The following CAST variants were observed in gnomAD, a reference collection of about 807,000 sequenced individuals.
CAST encodes calpastatin.
A neutral mutation model predicts 119.6 loss-of-function variants in CAST; 76 were observed. That is an observed-to-expected ratio of 0.64 (90% CI 0.53 to 0.77). The LOEUF (loss-of-function observed/expected upper bound fraction) is 0.77. Ranked by LOEUF, CAST falls within the 30% of genes least tolerant of loss-of-function variation. The pLI, the probability that CAST is intolerant of heterozygous loss-of-function variation, is 0.00. For missense variants in CAST, 953 were observed against 946.5 expected (o/e 1.01, Z -0.09); for synonymous variants, 319 against 331.6 (o/e 0.96, Z 0.41).
the CAST span, among the ~76,000 whole-genome samples, chr5:96,109,340 T>C: frequency 6.6e-6 from 1 of 152,212 alleles, no homozygotes; most frequent in African/African-American, 2.4e-5. Flanking sequence ...GAAATAATTA[T>C]AATAAAGAAT....
chr5:96,757,742 G>T, intron 24 of CAST, 88 bp downstream of exon 24: 1 of 835,998 alleles, frequency 1.2e-6, no homozygotes, highest in Non-Finnish European at 1.9e-6. Context: ...CCAGGCGGGA[G>T]TACAGTGGTG....
At chr5:96,554,393 C>G (rs1746193046) in intron 1 of CAST, among the ~76,000 whole-genome samples, 1 of 152,102 alleles carries the variant, frequency 6.6e-6, no homozygotes, top group Non-Finnish European at 1.5e-5. Context: ...ACACCTGACA[C>G]AAAAATCAAC....
At chr5:96,411,059 C>G in the CAST span, 1 of 1,039,338 alleles carries the variant, frequency 9.6e-7, no homozygotes, top group Non-Finnish European at 1.5e-6. Flanking sequence ...AATAAAATCC[C>G]CAACGACTAC....
chr5:96,333,233 C>T, the CAST span, among the ~76,000 whole-genome samples: 3 of 151,544 alleles, frequency 2.0e-5, no homozygotes, highest in Non-Finnish European at 4.4e-5. Context: ...AGTGTGTGCC[C>T]GAGTTAGAGT....
At chr5:96,097,585 G>A in the CAST span, among the ~76,000 whole-genome samples, 3 of 152,060 alleles carry the variant, frequency 2.0e-5, no homozygotes, top group African/African-American at 4.8e-5. Flanking sequence ...TGTGGTATTT[G>A]GTTTTCTGTT....
At chr5:96,044,822 G>C in the CAST span, among the ~76,000 whole-genome samples, 1 of 152,132 alleles carries the variant, frequency 6.6e-6, no homozygotes, top group Non-Finnish European at 1.5e-5. Context: ...GAGAATGAAT[G>C]AATGACTGTT....
the CAST span, among the ~76,000 whole-genome samples, chr5:96,229,970 G>A: frequency 7.2e-5 from 11 of 152,232 alleles, no homozygotes; most frequent in Admixed American, 7.2e-4. Flanking sequence ...GTTTATCAGT[G>A]ACCTTTGTTA....
intron 1 of CAST, among the ~76,000 whole-genome samples, chr5:96,636,558 A>C (rs1580854631): frequency 1.3e-5 from 2 of 152,212 alleles, no homozygotes; most frequent in East Asian, 3.8e-4. Flanking sequence ...AAAATGATAA[A>C]ATTCTTCAGA....
At chr5:96,245,689 G>C in the CAST span, among the ~76,000 whole-genome samples, 18 of 151,834 alleles carry the variant, frequency 1.2e-4, no homozygotes, top group Non-Finnish European at 2.4e-4. Flanking sequence ...GCATAACTAG[G>C]CTTTGGTTCT....
At chr5:96,155,926 G>A in the CAST span, among the ~76,000 whole-genome samples, 96 of 152,314 alleles carry the variant, frequency 6.3e-4, 2 homozygotes, top group East Asian at 0.017. Context: ...GGTAGAGAGA[G>A]TCCTAAAGGG....
At chr5:96,587,390 T>C (rs1746879790) in intron 1 of CAST, among the ~76,000 whole-genome samples, 1 of 152,226 alleles carries the variant, frequency 6.6e-6, no homozygotes. Context: ...GAATATCCAT[T>C]CTCCTGATTT....
the CAST span, among the ~76,000 whole-genome samples, chr5:96,281,404 T>G: frequency 6.6e-6 from 1 of 152,232 alleles, no homozygotes; most frequent in East Asian, 1.9e-4. Context: ...TCTCTGTGTG[T>G]GGTGAACAGT....
At chr5:96,249,869 A>G in the CAST span, among the ~76,000 whole-genome samples, 2 of 152,236 alleles carry the variant, frequency 1.3e-5, no homozygotes, top group African/African-American at 2.4e-5. Flanking sequence ...CCATATTCCC[A>G]TAGATTTGGC....
rs561618113 is a variant in CAST at position 96,553,187 on chromosome 5, G to A, written c.60+23307G>A. 7.2e-5 allele frequency among the ~76,000 whole-genome samples: 11 copies of A among 152,282 alleles called. No homozygotes were observed. In the East Asian group the frequency reaches 1.9e-3, roughly 27 times the overall value. ...ATAAAATACTGGCAAACCGAATCCA[G>A]CAGCACATCAAAAAGCTTATCCACC... On this transcript the variant is annotated intron_variant, in intron 1 of 11. Transcript: ENST00000505143.
the CAST span, among the ~76,000 whole-genome samples, chr5:96,176,330 A>G: frequency 6.6e-6 from 1 of 152,252 alleles, no homozygotes; most frequent in South Asian, 2.1e-4. Flanking sequence ...AGCTTTGCTG[A>G]AGATTTTAGG....
At chr5:96,402,241 C>T in the CAST span, among the ~76,000 whole-genome samples, 5 of 152,326 alleles carry the variant, frequency 3.3e-5, no homozygotes, top group East Asian at 1.9e-4. Context: ...TGACCATAGG[C>T]GATTTCAAAG....
chr5:95,986,811 A>G, the CAST span, among the ~76,000 whole-genome samples: 1 of 152,128 alleles, frequency 6.6e-6, no homozygotes, highest in Non-Finnish European at 1.5e-5. Flanking sequence ...GAGTTCCCAA[A>G]TCTACTTTTA....
At chr5:96,401,412 G>A in the CAST span, among the ~76,000 whole-genome samples, 1 of 152,180 alleles carries the variant, frequency 6.6e-6, no homozygotes, top group Admixed American at 6.5e-5. Flanking sequence ...GAGGAGTATT[G>A]GGCCAGAGCG....
At chr5:96,012,036 T>A in the CAST span, among the ~76,000 whole-genome samples, 1 of 152,158 alleles carries the variant, frequency 6.6e-6, no homozygotes, top group African/African-American at 2.4e-5. Flanking sequence ...TCATTTATCT[T>A]TGAAGTCTTT....
Sources: allele counts gnomAD v4.1 joint callset (sites outside exome capture counted in the v4.1 genomes callset), GRCh38; gene constraint gnomAD v4.1.1; transcripts MANE v1.5; gene names NCBI Gene and HGNC (gene_info 2026-07-23, HGNC 2026-07-21).